Variants in SNX32 observed in about 807,000 individuals in gnomAD.
SNX32 encodes sorting nexin-32.
In SNX32, 58 loss-of-function variants were observed where a neutral mutation model predicts 57.0. The ratio of observed to expected loss-of-function variants is 1.02; its 90% CI spans 0.82 to 1.27. The LOEUF (loss-of-function observed/expected upper bound fraction) is 1.27. Ranked by LOEUF, SNX32 falls within the 50% of genes most tolerant of loss-of-function variation. The probability of loss-of-function intolerance (pLI) is 0.00; values close to 1 mark genes in which losing one functional copy is unlikely to be tolerated. For missense variants in SNX32, 589 were observed against 541.2 expected (o/e 1.09, Z -0.88); for synonymous variants, 262 against 220.4 (o/e 1.19, Z -1.67).
chr11:65,838,021 T>C (rs1230549582), intron 1 of SNX32, among the ~76,000 whole-genome samples: 1 of 151,976 alleles, frequency 6.6e-6, no homozygotes, highest in Non-Finnish European at 1.5e-5. Context: ...CCAGGTGTAC[T>C]GGCAGGCACC....
chr11:65,840,936 T>C (rs532156628), intron 1 of SNX32, among the ~76,000 whole-genome samples: 19 of 152,162 alleles, frequency 1.2e-4, no homozygotes, highest in South Asian at 8.3e-4. Flanking sequence ...TATGGTTTTT[T>C]TTTCTTTCTT....
At chr11:65,852,008 T>C (rs1859214963) in intron 9 of SNX32, among the ~76,000 whole-genome samples, 1 of 152,136 alleles carries the variant, frequency 6.6e-6, no homozygotes, top group South Asian at 2.1e-4. Context: ...TTCCCCACTC[T>C]TCCCTAAGAA....
Position 65,850,172 on chromosome 11 carries a change from C to T in SNX32, c.275C>T (p.Pro92Leu), listed in dbSNP as rs1235094567. 3 of 1,614,238 alleles carry T rather than the reference C, an allele frequency of 1.9e-6. No individual in the cohort carries two copies. The South Asian group carries it at 3.3e-5, about 18-fold the overall frequency. Reference protein sequence around the residue: ...GLIIPPAPPRPDFEASREKLQ... With the variant: ...GLIIPPAPPRLDFEASREKLQ... The stretch of plus-strand genomic sequence containing the variant: ...CAGATCCCCCCAGCCCCTCCGAGGC[C>T]AGACTTTGAGGCTTCGAGGGAAAAG... Residue 92 changes from proline to leucine, a missense_variant, in exon 4 of 13, where the codon CCA becomes CTA. Coordinates refer to ENST00000308342, the MANE Select transcript of SNX32 (RefSeq NM_152760.3).
chr11:65,844,732 C>T (rs193297535), intron 1 of SNX32, among the ~76,000 whole-genome samples: 2 of 151,762 alleles, frequency 1.3e-5, no homozygotes, highest in Non-Finnish European at 2.9e-5. Flanking sequence ...TTTGGGAGGC[C>T]GAAGCGGGCA....
In SNX32 at chr11:65,853,574, G is replaced by C; in HGVS notation, c.*239G>C. ...TGGCCACAGTCAGCAGAGCCCCAGG[G>C]ACCCTGACACCTCTCCCCAGGAAGC... On this transcript the variant is annotated 3_prime_UTR_variant, in exon 13 of 13. Coordinates refer to ENST00000308342, the MANE Select transcript of SNX32 (RefSeq NM_152760.3). The C allele has an allele frequency of 1.7e-6, 1 of 584,278 alleles. No homozygotes were observed. Among genetic ancestry groups the C allele is most frequent in the South Asian group, 2.0e-5 (1 of 49,918 alleles). The allele number at this position is 584,278 out of a possible 1,614,324, so 36.2% of individuals were successfully genotyped here. A position where few individuals can be genotyped will look rare whatever the true frequency, so the allele number is the denominator to read the frequency against.
chr11:65,852,347 C>G, intron 9 of SNX32, 118 bp from the exon 10 acceptor site: 2 of 899,124 alleles, frequency 2.2e-6, no homozygotes, highest in Admixed American at 3.6e-5. Context: ...AACACCAGAC[C>G]TGACCTGGAA....
intron 4 of SNX32, 32 bp from the exon 5 acceptor site, chr11:65,850,399 G>C (rs758867045): frequency 6.2e-7 from 1 of 1,613,420 alleles, no homozygotes; most frequent in African/African-American, 1.3e-5. Flanking sequence ...TGGGGGCTGA[G>C]GAGGGCCGGT....
chr11:65,850,322 C>T, intron 4 of SNX32, 51 bp downstream of exon 4: 1 of 1,613,944 alleles, frequency 6.2e-7, no homozygotes. Flanking sequence ...ATGTCTTCCC[C>T]AGCTATCTCC....
chr11:65,849,470 C>G lies in SNX32; in HGVS notation c.37-8C>G, dbSNP rs757640175. The G allele has an allele frequency of 1.2e-6, 2 of 1,603,556 alleles. No individual in the cohort carries two copies. Among genetic ancestry groups the G allele is most frequent in the Non-Finnish European group, 1.7e-6 (2 of 1,173,924 alleles). On this transcript the variant is annotated splice_polypyrimidine_tract_variant and splice_region_variant and intron_variant, in intron 1 of 12. Coordinates refer to ENST00000308342, the MANE Select transcript of SNX32 (RefSeq NM_152760.3). ...TCAGCCAGGCCAGAGACCTCCCCTC[C>G]TCCGCAGCCTTCCTGTGCATCGGTG...
Position 65,853,464 on chromosome 11 carries a change from C to T in SNX32, c.*129C>T, listed in dbSNP as rs1413530811. On this transcript the variant is annotated 3_prime_UTR_variant, in exon 13 of 13. Transcript: ENST00000308342. Reference sequence around the variant, plus strand: ...GCCACACCCTCACTCTGCCCCACATCCTCTCAGGGAAAGCCCAAACCCCCT... The same window carrying T: ...GCCACACCCTCACTCTGCCCCACATTCTCTCAGGGAAAGCCCAAACCCCCT... 2 of 949,018 alleles carry T rather than the reference C, an allele frequency of 2.1e-6. No individual in the cohort carries two copies. The highest frequency in any genetic ancestry group is 3.3e-6 in the Non-Finnish European group (2 of 606,482). 58.8% of individuals were successfully genotyped at this position (949,018 alleles called of 1,614,324 possible).
Position 65,834,042 on chromosome 11 carries a change from C to T in SNX32, c.-24C>T, listed in dbSNP as rs1256700152. On this transcript the variant is annotated 5_prime_UTR_variant, in exon 1 of 13. Coordinates refer to ENST00000308342, the MANE Select transcript of SNX32 (RefSeq NM_152760.3). Reference sequence around the variant, plus strand: ...CCTGCGGGAGCACGCGGGCAGTGGCCGGACGCTGAAGCCCAGGAGAGCGAT... The same window carrying T: ...CCTGCGGGAGCACGCGGGCAGTGGCTGGACGCTGAAGCCCAGGAGAGCGAT... The T allele has an allele frequency of 1.9e-6, 3 of 1,549,276 alleles. No homozygotes were observed. The highest frequency in any genetic ancestry group is 1.4e-5 in the African/African-American group (1 of 72,884).
At chr11:65,841,266 T>C (rs920938050) in intron 1 of SNX32, among the ~76,000 whole-genome samples, 8 of 151,394 alleles carry the variant, frequency 5.3e-5, no homozygotes, top group African/African-American at 1.5e-4. Flanking sequence ...TCCTGCACTG[T>C]CATCCAGGCT....
intron 9 of SNX32, among the ~76,000 whole-genome samples, chr11:65,852,251 C>T (rs571541499): frequency 6.6e-6 from 1 of 152,268 alleles, no homozygotes; most frequent in South Asian, 2.1e-4. Flanking sequence ...AAGCCCTCAG[C>T]GCCCTCTGTC....
At chr11:65,840,432 G>A (rs892238631) in intron 1 of SNX32, among the ~76,000 whole-genome samples, 2 of 152,034 alleles carry the variant, frequency 1.3e-5, no homozygotes, top group African/African-American at 4.8e-5. Context: ...GCAGTAAAAA[G>A]AAATAAAGGT....
At position 65,851,404 on chromosome 11, in the gene SNX32, G is replaced by A. The variant is rs771510749; in HGVS notation, c.785+1G>A. On this transcript the variant is annotated splice_donor_variant, in intron 8 of 12. Coordinates refer to ENST00000308342, the MANE Select transcript of SNX32 (RefSeq NM_152760.3). LOFTEE classifies it high-confidence loss of function. ...CACAGGAAGTCAACCAGCTAAGGAC[G>A]TGAGGACTCCCCCCACCCCTACCCT... is the stretch of plus-strand genomic sequence containing the variant. 27 of 1,614,002 alleles carry A rather than the reference G, an allele frequency of 1.7e-5. No individual in the cohort carries two copies. The highest frequency in any genetic ancestry group is 4.4e-5 in the South Asian group (4 of 91,090).
intron 6 of SNX32, 47 bp from the exon 7 acceptor site, chr11:65,851,008 G>C: frequency 6.4e-7 from 1 of 1,563,640 alleles, no homozygotes; most frequent in Non-Finnish European, 8.8e-7. Context: ...GTGTTGTCAA[G>C]CCCCGTGGTG....
chr11:65,836,057 A>G (rs1196304246), intron 1 of SNX32, among the ~76,000 whole-genome samples: 1 of 152,036 alleles, frequency 6.6e-6, no homozygotes, highest in Non-Finnish European at 1.5e-5. Context: ...TTTTTGCTGT[A>G]TGTTCTGAGG....
chr11:65,850,934 G>C, intron 6 of SNX32, 79 bp downstream of exon 6: 1 of 1,526,516 alleles, frequency 6.6e-7, no homozygotes, highest in Non-Finnish European at 9.1e-7. Context: ...GCTGGGTGTG[G>C]GAAGGAAGCC....
chr11:65,851,792 C>A, intron 9 of SNX32, 113 bp downstream of exon 9: 1 of 1,242,012 alleles, frequency 8.1e-7, no homozygotes. Flanking sequence ...TAACTTGGGC[C>A]CAGTGGCAAG....
Sources: gnomAD v4.1 joint callset for allele counts (sites outside exome capture counted in the v4.1 genomes callset) on GRCh38, gnomAD v4.1.1 for gene constraint, MANE v1.5 for transcripts, NCBI Gene and HGNC (gene_info 2026-07-23, HGNC 2026-07-21) for gene names.